Variants in FOXN4 observed in about 807,000 individuals in gnomAD.
The protein encoded by FOXN4 is forkhead box N4.
FOXN4 carries 12 observed loss-of-function variants against 45.0 expected under a neutral mutation model. The observed-to-expected ratio is 0.27, with a 90% CI of 0.17 to 0.43. FOXN4 has a LOEUF of 0.43. Ranked by LOEUF, FOXN4 falls within the 20% of genes least tolerant of loss-of-function variation. The pLI, the probability that FOXN4 is intolerant of heterozygous loss-of-function variation, is 1.00. For missense variants in FOXN4, 560 were observed against 694.9 expected, an observed-to-expected ratio of 0.81 and a Z score of 2.18; for synonymous variants, 297 against 295.0, an observed-to-expected ratio of 1.01 and a Z score of -0.07.
In FOXN4 at chr12:109,288,289, C is replaced by T. The variant is rs568899109; in HGVS notation, c.233-109G>A. On this transcript the variant is annotated intron_variant, in intron 3 of 9. Transcript: ENST00000299162. This position sits in a 1 kb window ranked among gnomAD's most constrained non-coding sequence, Gnocchi z 4.3. ...GGAGAACGGAGCCAGCCCCTTTCCT[C>T]GGACCAGGCACATAGTAGGTGCTTG... The T allele has an allele frequency of 2.0e-5, 29 of 1,435,154 alleles. No individual in the cohort carries two copies. Among genetic ancestry groups the T allele is most frequent in the African/African-American group, 1.9e-4 (13 of 69,090 alleles). The allele number at this position is 1,435,154 out of a possible 1,614,324, so 88.9% of individuals were successfully genotyped here.
At chr12:109,286,820 A>G (rs990279047) in intron 6 of FOXN4, 76 bp from the exon 7 acceptor site, 2 of 1,505,710 alleles carry the variant, frequency 1.3e-6, no homozygotes, top group Non-Finnish European at 1.8e-6. Context: ...TCAGGCTGAC[A>G]GCCCAATGCC....
rs879291787 is a variant in FOXN4 at position 109,279,541 on chromosome 12, G to A, written c.*130C>T. On this transcript the variant is annotated 3_prime_UTR_variant, in exon 10 of 10. Transcript: ENST00000299162. ...AGGGGAACCGCTTCCCTGTCCAGCC[G>A]GCAACTTCGCCACAGGTCCAGGAGA... The A allele has an allele frequency of 3.7e-5, 51 of 1,392,082 alleles. No individual in the cohort carries two copies. Among genetic ancestry groups the A allele is most frequent in the Non-Finnish European group, 4.3e-5 (45 of 1,038,152 alleles). The allele number at this position is 1,392,082 out of a possible 1,614,324, so 86.2% of individuals were successfully genotyped here.
At position 109,290,291 on chromosome 12, in the gene FOXN4, A is replaced by G. The variant is rs1257496071; in HGVS notation, c.87-5T>C. ...TCGCTGGTGGTGGCTAGAAGCCTGC[A>G]AAGAGGAACAGAGAACTCGGGCGGG... On this transcript the variant is annotated splice_polypyrimidine_tract_variant and splice_region_variant and intron_variant, in intron 2 of 9. Transcript: ENST00000299162. The surrounding 1 kb of genome is among the most constrained non-coding windows in gnomAD (Gnocchi z 5.1). The G allele has an allele frequency of 6.5e-7, 1 of 1,544,940 alleles. No homozygotes were observed. Among genetic ancestry groups the G allele is most frequent in the Admixed American group, 2.0e-5 (1 of 50,338 alleles).
chr12:109,300,713 A>T (rs2047861172), intron 2 of FOXN4, among the ~76,000 whole-genome samples: 1 of 152,132 alleles, frequency 6.6e-6, no homozygotes, highest in Non-Finnish European at 1.5e-5. Flanking sequence ...GTTCAAGACC[A>T]GCCTGGACAA....
chr12:109,292,253 T>C (rs186365297), intron 2 of FOXN4, among the ~76,000 whole-genome samples: 11 of 152,250 alleles, frequency 7.2e-5, no homozygotes, highest in Admixed American at 7.2e-4. Context: ...CAAGGAGAAG[T>C]GGAGATGGGT....
intron 2 of FOXN4, among the ~76,000 whole-genome samples, chr12:109,300,001 T>C (rs1160534757): frequency 6.6e-6 from 1 of 152,226 alleles, no homozygotes; most frequent in Non-Finnish European, 1.5e-5. Context: ...TGCAGCTGTC[T>C]GCCTCTCTGA....
rs1440958289 is a variant in FOXN4, at chr12:109,285,391, G to C, written c.814C>G (p.Leu272Val). The C allele has an allele frequency of 3.7e-6, 6 of 1,613,936 alleles. No homozygotes were observed. In the African/African-American group the frequency reaches 8.0e-5, roughly 22 times the overall value. Residue 272 changes from leucine to valine, a missense_variant, in exon 8 of 10, where the codon CTG becomes GTG. By Grantham distance (32) the Leu-to-Val change is conservative. This residue lies in a region of FOXN4 where 315 missense variants were observed against 350.5 expected (regional missense o/e 0.90). Coordinates refer to ENST00000299162, the MANE Select transcript of FOXN4 (RefSeq NM_213596.3). The part of the protein sequence containing the change: ...SRKGCLWALN[L>V]ARIDKMEEEM... The stretch of plus-strand genomic sequence containing the variant: ...TCCTCCATCTTGTCGATGCGGGCCA[G>C]GTTCAGAGCCCACAGGCAGCCCTTG...
Position 109,281,759 on chromosome 12 carries a change from G to A in FOXN4, c.942C>T (p.Cys314=). The change falls in exon 9 of 10, where the codon TGC becomes TGT. Residue 314 remains cysteine (C), a synonymous_variant. Transcript: ENST00000299162. ...GTTCCCCCGGTTTGCCGGGGCGCCG[G>A]CAGCTTTCAGGCCGGTCGGAGATCA... The part of the protein sequence containing the change: ...DKLISDRPES[C]RRPGKPGEPE... The A allele has an allele frequency of 6.2e-7, 1 of 1,602,306 alleles. No individual in the cohort carries two copies. Among genetic ancestry groups the A allele is most frequent in the Non-Finnish European group, 8.5e-7 (1 of 1,175,200 alleles).
chr12:109,284,094 T>C (rs1204629165), intron 8 of FOXN4, among the ~76,000 whole-genome samples: 2 of 152,238 alleles, frequency 1.3e-5, no homozygotes, highest in African/African-American at 4.8e-5. Context: ...TACGAAGCTC[T>C]CTATTGTTCC....
chr12:109,279,501 GGA>G lies in FOXN4; in HGVS notation c.*168_*169del. 1.0e-6 allele frequency: 1 copy of G among 981,614 alleles called. No individual in the cohort carries two copies. The highest frequency in any genetic ancestry group is 1.5e-6 in the Non-Finnish European group (1 of 680,470). 60.8% of individuals were successfully genotyped at this position (981,614 alleles called of 1,614,324 possible). On this transcript the variant is annotated 3_prime_UTR_variant, in exon 10 of 10. Transcript: ENST00000299162. Reference sequence around the variant, plus strand: ...GAAGCTCCAGGGGGAGGCACGAGAAGGAGAGGGGCTGCTGAGGGGAACCGCTT... The same window carrying G: ...GAAGCTCCAGGGGGAGGCACGAGAAGGAGGGGCTGCTGAGGGGAACCGCTT...
chr12:109,286,534 G>A, intron 7 of FOXN4, 114 bp downstream of exon 7: 1 of 976,290 alleles, frequency 1.0e-6, no homozygotes, highest in South Asian at 1.5e-5. Flanking sequence ...ACCACCAGAT[G>A]TACAGACATA....
At chr12:109,301,237 T>A (rs564452753) in intron 2 of FOXN4, among the ~76,000 whole-genome samples, 1 of 152,302 alleles carries the variant, frequency 6.6e-6, no homozygotes, top group African/African-American at 2.4e-5. Context: ...AACCCCAGCA[T>A]CCTCGTGTGC....
At position 109,288,218 on chromosome 12, in the gene FOXN4, G is replaced by T; in HGVS notation, c.233-38C>A. 6.5e-7 allele frequency: 1 copy of T among 1,534,744 alleles called. No homozygotes were observed. The highest frequency in any genetic ancestry group is 1.2e-5 in the South Asian group (1 of 81,958). ...AGCACAGAGACGCTGCTGGGCTGGA[G>T]GAATGGTGGCTGCCACCAGGAACAG... On this transcript the variant is annotated intron_variant, in intron 3 of 9. Transcript: ENST00000299162. The surrounding 1 kb of genome is among the most constrained non-coding windows in gnomAD (Gnocchi z 4.3).
chr12:109,291,941 C>CGCCACCCCTCCGGCT lies in FOXN4; in HGVS notation c.87-1670_87-1656dup, dbSNP rs879480256. ...GCCCCCCGGCTGCCACCCCTCCGGCCGCCACCCCTCCGGCTGCCACCCCTC... is the reference window on the plus strand; with the variant it reads ...GCCCCCCGGCTGCCACCCCTCCGGCCGCCACCCCTCCGGCTGCCACCCCTCCGGCTGCCACCCCTC... On this transcript the variant is annotated intron_variant, in intron 2 of 9. Transcript: ENST00000299162. The surrounding 1 kb of genome is among the most constrained non-coding windows in gnomAD (Gnocchi z 6.6). Among the ~76,000 whole-genome samples, 2 of 149,096 alleles carry CGCCACCCCTCCGGCT rather than the reference C, an allele frequency of 1.3e-5. No individual in the cohort carries two copies. The highest frequency in any genetic ancestry group is 5.2e-5 in the African/African-American group (2 of 38,664).
chr12:109,298,561 C>A (rs1214094814), intron 2 of FOXN4, among the ~76,000 whole-genome samples: 1 of 152,058 alleles, frequency 6.6e-6, no homozygotes, highest in African/African-American at 2.4e-5. Flanking sequence ...GAGAGTTTCA[C>A]CACGTTGGCC....
chr12:109,291,337 A>G lies in FOXN4; in HGVS notation c.87-1051T>C, dbSNP rs1408138018. ...AGACCAGCCCAGGAGCACACGCCCG[A>G]CTCCACCACATCTGCCACCCCTGTA... On this transcript the variant is annotated intron_variant, in intron 2 of 9. Transcript: ENST00000299162. The surrounding 1 kb of genome is among the most constrained non-coding windows in gnomAD (Gnocchi z 6.6). Among the ~76,000 whole-genome samples the G allele has an allele frequency of 6.6e-6, 1 of 151,126 alleles. No individual in the cohort carries two copies. Among genetic ancestry groups the G allele is most frequent in the Non-Finnish European group, 1.5e-5 (1 of 67,794 alleles).
chr12:109,292,388 C>T (rs2047777403), intron 2 of FOXN4, among the ~76,000 whole-genome samples: 2 of 152,158 alleles, frequency 1.3e-5, no homozygotes, highest in Non-Finnish European at 2.9e-5. Flanking sequence ...AGCAGGTAAA[C>T]CTAACAGGCA....
At chr12:109,295,479 G>T (rs997208025) in intron 2 of FOXN4, among the ~76,000 whole-genome samples, 1 of 152,140 alleles carries the variant, frequency 6.6e-6, no homozygotes, top group African/African-American at 2.4e-5. Flanking sequence ...GCTTTGAGAA[G>T]AATCAACTGC....
chr12:109,285,270 T>TGTGTGTGC (rs2047697188), intron 8 of FOXN4, 34 bp downstream of exon 8: 3 of 1,543,170 alleles, frequency 1.9e-6, no homozygotes, highest in Non-Finnish European at 2.6e-6. Flanking sequence ...TGTGTGTGTG[T>TGTGTGTGC]GTGTGCGCGC....
Sources: gnomAD v4.1 joint callset for allele counts (sites outside exome capture counted in the v4.1 genomes callset) on GRCh38, gnomAD v4.1.1 for gene constraint, gnomAD v4.1.1 regional missense constraint, Gnocchi (gnomAD v3.1) non-coding constraint, MANE v1.5 for transcripts, NCBI Gene and HGNC (gene_info 2026-07-23, HGNC 2026-07-21) for gene names.